ATP13A4: variants seen among roughly 807,000 people sequenced by gnomAD.
ATP13A4 encodes the protein ATPase 13A4.
In ATP13A4, 114 loss-of-function variants were observed where a neutral mutation model predicts 142.5. The observed-to-expected ratio is 0.80, with a 90% confidence interval of 0.69 to 0.93. ATP13A4 has a LOEUF of 0.93. Ranked by LOEUF, ATP13A4 falls within the 40% of genes least tolerant of loss-of-function variation. ATP13A4 has a pLI of 0.00. For missense variants in ATP13A4, 1,392 were observed against 1,454.0 expected (o/e 0.96, Z 0.69); for synonymous variants, 488 against 514.8 (o/e 0.95, Z 0.70).
rs1032927964 is a variant in ATP13A4 at position 193,466,171 on chromosome 3, C to A, written c.1126G>T (p.Ala376Ser). The change falls in exon 11 of 30, where the codon GCA becomes TCA. Residue 376 changes from alanine to serine, a missense_variant. By Grantham distance (99) the Ala-to-Ser change is moderately conservative. Coordinates refer to ENST00000342695, the MANE Select transcript of ATP13A4 (RefSeq NM_032279.4). ...AVVLQTGFNTAKGDLVRSILY... is the reference protein window; with the variant it reads ...AVVLQTGFNTSKGDLVRSILY... Reference sequence around the variant, plus strand: ...ATGGATCTCACAAGGTCTCCCTTTGCAGTGTTGAATCCTGGAACAACAAAC... The same window carrying A: ...ATGGATCTCACAAGGTCTCCCTTTGAAGTGTTGAATCCTGGAACAACAAAC... 3.1e-6 allele frequency: 5 copies of A among 1,613,924 alleles called. No homozygotes were observed. Among genetic ancestry groups the A allele is most frequent in the East Asian group, 4.5e-5 (2 of 44,878 alleles).
chr3:193,412,029 G>T (rs975397560), intron 27 of ATP13A4, 149 bp downstream of exon 27: 1 of 700,296 alleles, frequency 1.4e-6, no homozygotes, highest in Non-Finnish European at 2.5e-6. Flanking sequence ...TGAAAATGAG[G>T]CTGTACGATG....
chr3:193,402,871 A>G lies in ATP13A4; in HGVS notation c.3379-7T>C. 6.2e-7 allele frequency: 1 copy of G among 1,613,234 alleles called. No homozygotes were observed. Among genetic ancestry groups the G allele is most frequent in the Non-Finnish European group, 8.5e-7 (1 of 1,179,428 alleles). On this transcript the variant is annotated splice_region_variant and splice_polypyrimidine_tract_variant and intron_variant, in intron 29 of 29. Transcript: ENST00000342695. The stretch of plus-strand genomic sequence containing the variant: ...GATTTTCAATAACAGCCTCCTGCAA[A>G]ATAAAATAATTACTTTTTACAAGCA...
intron 17 of ATP13A4, 127 bp from the exon 18 acceptor site, chr3:193,448,457 T>G (rs1560194129): frequency 3.2e-6 from 4 of 1,232,034 alleles, no homozygotes; most frequent in Non-Finnish European, 4.6e-6. Context: ...TGCCTCAGCT[T>G]CCCAAGTAAC....
chr3:193,579,018 A>G, intron 2 of ATP13A4: 1 of 194,810 alleles, frequency 5.1e-6, no homozygotes, highest in Non-Finnish European at 1.1e-5. Context: ...GCATGATCAC[A>G]GGTCTGTCCG....
At chr3:193,586,535 A>G (rs984379185) in intron 1 of ATP13A4, among the ~76,000 whole-genome samples, 13 of 152,226 alleles carry the variant, frequency 8.5e-5, no homozygotes, top group Non-Finnish European at 5.9e-5. Context: ...GTATAAATTT[A>G]TACTAAATTT....
chr3:193,590,278 A>C (rs1724737959), intron 1 of ATP13A4, among the ~76,000 whole-genome samples: 1 of 152,154 alleles, frequency 6.6e-6, no homozygotes. Flanking sequence ...GGATGAAATA[A>C]TAGGAAAACA....
chr3:193,504,431 C>T (rs1231444054), intron 2 of ATP13A4, among the ~76,000 whole-genome samples: 2 of 152,178 alleles, frequency 1.3e-5, no homozygotes, highest in African/African-American at 4.8e-5. Context: ...TTATTTCACA[C>T]TTATTATGTT....
chr3:193,466,823 A>G (rs1019468223), intron 10 of ATP13A4, among the ~76,000 whole-genome samples: 1 of 152,194 alleles, frequency 6.6e-6, no homozygotes, highest in Non-Finnish European at 1.5e-5. Context: ...TATCAGTACT[A>G]TCATTTTTAC....
At chr3:193,470,777 A>G (rs1013724729) in intron 9 of ATP13A4, 82 bp downstream of exon 9, 48 of 1,590,782 alleles carry the variant, frequency 3.0e-5, no homozygotes, top group Non-Finnish European at 3.5e-5. Context: ...TCATTCAGGT[A>G]GAGGAGGAGG....
intron 18 of ATP13A4, among the ~76,000 whole-genome samples, chr3:193,443,274 G>A (rs965408249): frequency 2.6e-5 from 4 of 152,158 alleles, no homozygotes; most frequent in African/African-American, 7.2e-5. Flanking sequence ...TATGAATTAC[G>A]TAAGTCCCAA....
intron 17 of ATP13A4, among the ~76,000 whole-genome samples, chr3:193,451,580 T>C (rs1250851121): frequency 2.6e-5 from 4 of 152,208 alleles, no homozygotes; most frequent in African/African-American, 7.2e-5. Context: ...TTTCTATCTC[T>C]TCTGGCTTCC....
rs750272194 is a variant in ATP13A4 at position 193,402,716 on chromosome 3, G to A, written c.3527C>T (p.Pro1176Leu). Residue 1176 changes from proline to leucine, a missense_variant, in exon 30 of 30, where the codon CCG (proline) becomes CTG (leucine). Pro to Leu is a moderately conservative substitution (Grantham distance 98). Transcript: ENST00000342695. ...GTAAGACACTCCTCTGCCACACTCC[G>A]GCATGTCAGAGTGGGAGGTTTGGTT... ...PLNQTSHSDM[P>L]ECGRGVSYSN... The A allele has an allele frequency of 1.5e-4, 223 of 1,472,530 alleles. No homozygotes were observed. Among genetic ancestry groups the A allele is most frequent in the South Asian group, 7.0e-4 (62 of 88,176 alleles). 91.2% of individuals were successfully genotyped at this position (1,472,530 alleles called of 1,614,324 possible).
chr3:193,527,410 G>A (rs1314620331), intron 1 of ATP13A4, among the ~76,000 whole-genome samples: 6 of 152,178 alleles, frequency 3.9e-5, no homozygotes, highest in South Asian at 2.1e-4. Flanking sequence ...AGGTCAGTTC[G>A]AGACTAGTCT....
rs572018159 is a variant in ATP13A4 at position 193,492,966 on chromosome 3, T to A, written c.484A>T (p.Ile162Leu). The change falls in exon 5 of 30, where the codon ATA (isoleucine) becomes TTA (leucine). Residue 162 changes from isoleucine to leucine, a missense_variant. By Grantham distance (5) the Ile-to-Leu change is conservative. Coordinates refer to ENST00000342695, the MANE Select transcript of ATP13A4 (RefSeq NM_032279.4). ...SLEDWLSSAK[I>L]HQKFGSGLTR... is the part of the protein sequence containing the mutation. ...AAGCCTGATCCAAATTTTTGATGTA[T>A]CTTGGCAGAACTAAGCCAGTCTTCC... The A allele has an allele frequency of 1.2e-6, 2 of 1,611,514 alleles. No individual in the cohort carries two copies. Among genetic ancestry groups the A allele is most frequent in the East Asian group, 4.5e-5 (2 of 44,778 alleles).
intron 1 of ATP13A4, among the ~76,000 whole-genome samples, chr3:193,582,612 TATTA>T (rs1346785134): frequency 9.2e-6 from 1 of 109,236 alleles, no homozygotes; most frequent in African/African-American, 3.9e-5. Context: ...ATTACATGTA[TATTA>T]TATATGTATA....
intron 2 of ATP13A4, among the ~76,000 whole-genome samples, chr3:193,577,821 T>C (rs1724429389): frequency 6.6e-6 from 1 of 152,244 alleles, no homozygotes; most frequent in African/African-American, 2.4e-5. Flanking sequence ...CAGAAGACTG[T>C]ATCTCATGAT....
At chr3:193,447,991 C>T (rs1717050889) in intron 18 of ATP13A4, among the ~76,000 whole-genome samples, 1 of 152,162 alleles carries the variant, frequency 6.6e-6, no homozygotes, top group Non-Finnish European at 1.5e-5. Context: ...TACCTCAAAA[C>T]GCTGATACTA....
At chr3:193,535,587 A>G (rs1431780462) in intron 1 of ATP13A4, among the ~76,000 whole-genome samples, 2 of 152,332 alleles carry the variant, frequency 1.3e-5, no homozygotes, top group South Asian at 4.1e-4. Flanking sequence ...TAGAAAAAAT[A>G]AAGTTTCCAA....
rs1714803481 is a variant in ATP13A4, at chr3:193,412,180, T to C, written c.3206A>G (p.Asn1069Ser). ...TGATGCAGTACAGTTCTACTCACAG[T>C]TTGTATAAGTTGGCTGTCTAAATGG... ...GKPFRQPTYT[N>S]YIFVLVLIIQ... The change falls in exon 27 of 30, where the codon AAC becomes AGC. Residue 1069 changes from asparagine to serine, a missense_variant and splice_region_variant. Asn to Ser is a conservative substitution (Grantham distance 46, BLOSUM62 1). Coordinates refer to ENST00000342695, the MANE Select transcript of ATP13A4 (RefSeq NM_032279.4). 6.3e-7 allele frequency: 1 copy of C among 1,598,270 alleles called. No homozygotes were observed. Among genetic ancestry groups the C allele is most frequent in the Non-Finnish European group, 8.6e-7 (1 of 1,165,654 alleles).
Sources: gnomAD v4.1 joint callset for allele counts (sites outside exome capture counted in the v4.1 genomes callset) on GRCh38, gnomAD v4.1.1 for gene constraint, MANE v1.5 for transcripts, NCBI Gene and HGNC (gene_info 2026-07-23, HGNC 2026-07-21) for gene names.